Variants in PPHLN1 observed in about 807,000 individuals in gnomAD.
PPHLN1 encodes the protein periphilin-1.
PPHLN1 carries 29 observed loss-of-function variants against 51.3 expected under a neutral mutation model. That is an observed-to-expected ratio of 0.57 (90% confidence interval 0.42 to 0.77). The LOEUF (loss-of-function observed/expected upper bound fraction) is 0.77. Ranked by LOEUF, PPHLN1 falls within the 30% of genes least tolerant of loss-of-function variation. The pLI is 0.00. For synonymous variants in PPHLN1, 147 were observed against 147.8 expected (o/e 0.99, Z 0.04); for missense variants, 436 against 438.4 (o/e 0.99, Z 0.05).
chr12:42,326,334 G>C (rs2068763775), intron 1 of PPHLN1, 105 bp downstream of exon 1: 1 of 152,350 alleles, frequency 6.6e-6, no homozygotes, highest in African/African-American at 2.4e-5. Flanking sequence ...GGATTCTCCT[G>C]CCTTTGAATT....
At chr12:42,403,707 A>T (rs1478271965) in intron 9 of PPHLN1, among the ~76,000 whole-genome samples, 2 of 152,194 alleles carry the variant, frequency 1.3e-5, no homozygotes, top group Non-Finnish European at 2.9e-5. Flanking sequence ...ACCTTAAGGG[A>T]TGAGGCCATC....
chr12:42,402,947 ATC>A (rs1015880683), intron 9 of PPHLN1, among the ~76,000 whole-genome samples: 1 of 152,166 alleles, frequency 6.6e-6, no homozygotes, highest in African/African-American at 2.4e-5. Context: ...CTCATATATA[ATC>A]TGTTTTTGTT....
chr12:42,448,424 G>A (rs1268024562), downstream of PPHLN1: 1 of 149,692 alleles, frequency 6.7e-6, no homozygotes, highest in Non-Finnish European at 1.5e-5. Context: ...ATGTTTACCA[G>A]AGTGTGTATT....
At chr12:42,389,610 A>T (rs1004334813) in intron 7 of PPHLN1, among the ~76,000 whole-genome samples, 3 of 152,212 alleles carry the variant, frequency 2.0e-5, no homozygotes, top group African/African-American at 7.2e-5. Flanking sequence ...ACAGCTTGAA[A>T]ATAGCAACCC....
In PPHLN1 at chr12:42,441,693, G is replaced by A. The variant is rs2082979072; in HGVS notation, c.*184G>A. The A allele has an allele frequency of 5.5e-6, 7 of 1,271,140 alleles. No homozygotes were observed. The highest frequency in any genetic ancestry group is 7.1e-5 in the Admixed American group (2 of 28,172). The allele number at this position is 1,271,140 out of a possible 1,614,324, so 78.7% of individuals were successfully genotyped here. A position where few individuals can be genotyped will look rare whatever the true frequency, so the allele number is the denominator to read the frequency against. Reference sequence around the variant, plus strand: ...TTTAAAATGTTTGATTCAAATTTTTGTATTTTTTGTAGAGATGGGGTTCAC... The same window carrying A: ...TTTAAAATGTTTGATTCAAATTTTTATATTTTTTGTAGAGATGGGGTTCAC... On this transcript the variant is annotated 3_prime_UTR_variant, in exon 10 of 10. Transcript: ENST00000358314.
Position 42,398,851 on chromosome 12 carries a change from A to T in PPHLN1, c.769-3A>T. 5 of 1,611,374 alleles carry T rather than the reference A, an allele frequency of 3.1e-6. No homozygotes were observed. The highest frequency in any genetic ancestry group is 4.2e-6 in the Non-Finnish European group (5 of 1,178,766). On this transcript the variant is annotated splice_region_variant and splice_polypyrimidine_tract_variant and intron_variant, in intron 8 of 9. Coordinates refer to ENST00000358314, the MANE Select transcript of PPHLN1 (RefSeq NM_201439.2). ...AATTAAAGATTTCTAATTCCTTTTC[A>T]AGGCGGGATCCACAGCACCATTGTT...
chr12:42,417,548 A>G (rs2080504048), intron 9 of PPHLN1, among the ~76,000 whole-genome samples: 2 of 152,316 alleles, frequency 1.3e-5, no homozygotes, highest in South Asian at 4.1e-4. Flanking sequence ...AGTGGATCAA[A>G]TAATTGCAGT....
chr12:42,427,518 G>A (rs894956763), intron 9 of PPHLN1, among the ~76,000 whole-genome samples: 16 of 151,860 alleles, frequency 1.1e-4, no homozygotes, highest in Admixed American at 2.6e-4. Context: ...ATAAAGTGGG[G>A]AAAGGACACC....
chr12:42,337,233 A>G (rs568066615), intron 2 of PPHLN1, among the ~76,000 whole-genome samples: 24 of 148,420 alleles, frequency 1.6e-4, no homozygotes, highest in Middle Eastern at 7.0e-3. Flanking sequence ...GATATATCCC[A>G]TTAGGAATTG....
chr12:42,417,049 A>C (rs2080453065), intron 9 of PPHLN1, among the ~76,000 whole-genome samples: 1 of 152,204 alleles, frequency 6.6e-6, no homozygotes, highest in Admixed American at 6.5e-5. Flanking sequence ...ATGTTTGGCT[A>C]CTTTTTGAGG....
At chr12:42,412,823 A>T (rs907815308) in intron 9 of PPHLN1, among the ~76,000 whole-genome samples, 2 of 152,010 alleles carry the variant, frequency 1.3e-5, no homozygotes, top group African/African-American at 4.8e-5. Context: ...CCTCCTGGCT[A>T]GGGTAATGTG....
intron 9 of PPHLN1, 165 bp downstream of exon 9, chr12:42,399,159 AT>A: frequency 1.1e-5 from 15 of 1,403,544 alleles, no homozygotes; most frequent in Non-Finnish European, 1.4e-5. Flanking sequence ...AGTCAGTTTG[AT>A]CAGTATGGTC....
chr12:42,445,551 C>G (rs895859593), downstream of PPHLN1: 2 of 192,552 alleles, frequency 1.0e-5, no homozygotes, highest in Non-Finnish European at 2.1e-5. Context: ...CATTAAACAT[C>G]TTTTAACTTT....
chr12:42,361,903 A>C (rs1267040313), intron 4 of PPHLN1, among the ~76,000 whole-genome samples: 1 of 152,176 alleles, frequency 6.6e-6, no homozygotes, highest in African/African-American at 2.4e-5. Context: ...GTAAGAGTGG[A>C]ATTACTGAAT....
chr12:42,446,700 T>C, downstream of PPHLN1: 1 of 1,531,718 alleles, frequency 6.5e-7, no homozygotes, highest in Non-Finnish European at 8.9e-7. Flanking sequence ...AGAAAAGGGG[T>C]GATGTAGGAG....
chr12:42,438,806 A>T (rs2082695997), intron 9 of PPHLN1, among the ~76,000 whole-genome samples: 2 of 151,972 alleles, frequency 1.3e-5, no homozygotes, highest in Non-Finnish European at 2.9e-5. Flanking sequence ...GTTTCATCAT[A>T]TTGGTCAGGC....
intron 9 of PPHLN1, among the ~76,000 whole-genome samples, chr12:42,408,014 C>T (rs1004350066): frequency 6.6e-6 from 1 of 152,116 alleles, no homozygotes; most frequent in Non-Finnish European, 1.5e-5. Context: ...GCCATCATAT[C>T]CTCCCATGAT....
intron 7 of PPHLN1, among the ~76,000 whole-genome samples, chr12:42,393,202 G>T (rs144584131): frequency 6.6e-6 from 1 of 152,256 alleles, no homozygotes; most frequent in East Asian, 1.9e-4. Flanking sequence ...CTGAAATTTA[G>T]ACATTACTTA....
intron 5 of PPHLN1, among the ~76,000 whole-genome samples, chr12:42,383,983 C>CAAAAAAAAAAAAA (rs61016692): frequency 5.8e-5 from 3 of 51,610 alleles, no homozygotes; most frequent in Non-Finnish European, 1.2e-4. Context: ...GACTGTGTCT[C>CAAAAAAAAAAAAA]AAAAAAAAAA....
Sources: gnomAD v4.1 joint callset for allele counts (sites outside exome capture counted in the v4.1 genomes callset) on GRCh38, gnomAD v4.1.1 for gene constraint, MANE v1.5 for transcripts, NCBI Gene and HGNC (gene_info 2026-07-23, HGNC 2026-07-21) for gene names.